The following CACNA1A variants were observed in gnomAD, a reference collection of about 807,000 sequenced individuals.
CACNA1A encodes the protein calcium voltage-gated channel subunit alpha1 A.
A neutral mutation model predicts 262.4 loss-of-function variants in CACNA1A; 57 were observed. The ratio of observed to expected loss-of-function variants is 0.22; its 90% confidence interval spans 0.18 to 0.27. CACNA1A has a LOEUF of 0.27. CACNA1A is among the 10% of genes least tolerant of loss of function. CACNA1A has a pLI of 1.00. For missense variants in CACNA1A, 2,526 were observed against 3,562.8 expected, an observed-to-expected ratio of 0.71 and a Z score of 7.41; for synonymous variants, 1,431 against 1,419.3, an observed-to-expected ratio of 1.01 and a Z score of -0.18.
rs185952971 is a variant in CACNA1A, at chr19:13,455,167, G to A, written c.339C>T (p.Ile113=). Reference sequence around the variant, plus strand: ...GCAGATGCTGCTCCAGTGCGAGGACGATGCAATTCGCTATGATGGTGGCTA... The same window carrying A: ...GCAGATGCTGCTCCAGTGCGAGGACAATGCAATTCGCTATGATGGTGGCTA... ...MILATIIANC[I]VLALEQHLPD... The change falls in exon 2 of 47, where the codon ATC becomes ATT. Residue 113 remains isoleucine, a synonymous_variant. Coordinates refer to ENST00000360228, the MANE Select transcript of CACNA1A (RefSeq NM_001127222.2). 13 of 1,612,234 alleles carry A rather than the reference G, an allele frequency of 8.1e-6. No individual in the cohort carries two copies. Among genetic ancestry groups the A allele is most frequent in the South Asian group, 3.3e-5 (3 of 91,034 alleles).
At chr19:13,446,298 C>T (rs1279485635) in intron 3 of CACNA1A, among the ~76,000 whole-genome samples, 1 of 150,386 alleles carries the variant, frequency 6.6e-6, no homozygotes, top group Non-Finnish European at 1.5e-5. Flanking sequence ...AAAGTCATCA[C>T]TGTCTCAATG....
At chr19:13,320,237 CGAGA>C (rs146095824) in intron 10 of CACNA1A, among the ~76,000 whole-genome samples, 1,431 of 127,068 alleles carry the variant, frequency 0.011, 9 homozygotes, top group Admixed American at 0.013. Flanking sequence ...TTCCACAGAT[CGAGA>C]GAGAGAGAGA....
At chr19:13,356,777 C>T (rs1168129000) in intron 6 of CACNA1A, among the ~76,000 whole-genome samples, 1 of 152,192 alleles carries the variant, frequency 6.6e-6, no homozygotes, top group African/African-American at 2.4e-5. Context: ...GCTGGAACCT[C>T]CTCTCACACC....
intron 1 of CACNA1A, among the ~76,000 whole-genome samples, chr19:13,456,891 A>C (rs2061020614): frequency 6.6e-6 from 1 of 152,146 alleles, no homozygotes; most frequent in African/African-American, 2.4e-5. Flanking sequence ...ACAAACAAAC[A>C]AACAGAAAAC....
intron 19 of CACNA1A, among the ~76,000 whole-genome samples, chr19:13,294,486 G>GTTTTTTTTTTTTTTTT (rs1568503058): frequency 3.4e-5 from 3 of 87,242 alleles, no homozygotes; most frequent in African/African-American, 1.5e-4. Flanking sequence ...ACTGTACCTG[G>GTTTTTTTTTTTTTTTT]CTTTTTTTTT....
chr19:13,233,537 G>T (rs190508884), intron 34 of CACNA1A, among the ~76,000 whole-genome samples: 4 of 152,026 alleles, frequency 2.6e-5, no homozygotes, highest in Admixed American at 6.6e-5. Flanking sequence ...GCCGAGGCTG[G>T]AGTGCAGTGG....
intron 10 of CACNA1A, among the ~76,000 whole-genome samples, chr19:13,325,326 G>A (rs1425970938): frequency 2.6e-5 from 4 of 151,634 alleles, no homozygotes; most frequent in Non-Finnish European, 4.4e-5. Flanking sequence ...TAGCGAGACC[G>A]TGTCTCTATC....
chr19:13,408,684 T>C (rs1230517835), intron 3 of CACNA1A, among the ~76,000 whole-genome samples: 1 of 152,232 alleles, frequency 6.6e-6, no homozygotes, highest in Non-Finnish European at 1.5e-5. Context: ...CAACTGTTCT[T>C]GCCCCAAAGA....
chr19:13,286,043 C>T (rs1369752542), intron 20 of CACNA1A, among the ~76,000 whole-genome samples: 1 of 150,450 alleles, frequency 6.6e-6, no homozygotes, highest in South Asian at 2.1e-4. Flanking sequence ...TCTACCTCGG[C>T]CTCCTGAAGT....
intron 3 of CACNA1A, among the ~76,000 whole-genome samples, chr19:13,372,620 G>A (rs1350836418): frequency 3.3e-5 from 5 of 152,170 alleles, no homozygotes; most frequent in Admixed American, 6.5e-5. Flanking sequence ...TCCCCCTTTT[G>A]TATAACCTGG....
intron 34 of CACNA1A, among the ~76,000 whole-genome samples, chr19:13,233,057 A>G (rs1010657991): frequency 6.6e-6 from 1 of 150,746 alleles, no homozygotes; most frequent in Non-Finnish European, 1.5e-5. Context: ...CTCAGATTAA[A>G]AAAAAAAAAA....
chr19:13,456,810 T>C (rs1425904310), intron 1 of CACNA1A, among the ~76,000 whole-genome samples: 4 of 152,192 alleles, frequency 2.6e-5, no homozygotes, highest in Non-Finnish European at 4.4e-5. Flanking sequence ...ATGAGGGTAT[T>C]AGTGATCAGG....
intron 1 of CACNA1A, among the ~76,000 whole-genome samples, chr19:13,479,195 C>T (rs757547348): frequency 1.5e-4 from 23 of 152,088 alleles, no homozygotes; most frequent in Non-Finnish European, 3.2e-4. Flanking sequence ...GAACAAAAAA[C>T]GAATAAAATC....
At chr19:13,345,163 G>A (rs1160146113) in intron 6 of CACNA1A, among the ~76,000 whole-genome samples, 2 of 152,094 alleles carry the variant, frequency 1.3e-5, no homozygotes, top group East Asian at 1.9e-4. Context: ...AATTATGGTC[G>A]CATTAGCCAA....
chr19:13,254,949 G>A, intron 29 of CACNA1A, 146 bp downstream of exon 29: 3 of 769,320 alleles, frequency 3.9e-6, no homozygotes, highest in African/African-American at 3.4e-5. Context: ...CAGTGTGTCA[G>A]GTAGAGGGAA....
In CACNA1A at chr19:13,207,766, C is replaced by T. The variant is rs756238847; in HGVS notation, c.7068G>A (p.Thr2356=). The T allele has an allele frequency of 3.0e-5, 42 of 1,378,078 alleles. No homozygotes were observed. The South Asian group carries it at 5.1e-4, about 17-fold the overall frequency. 85.4% of individuals were successfully genotyped at this position (1,378,078 alleles called of 1,614,324 possible). Residue 2356 remains threonine (T), a synonymous_variant, in exon 47 of 47, where the codon ACG becomes ACA. Coordinates refer to ENST00000360228, the MANE Select transcript of CACNA1A (RefSeq NM_001127222.2). The surrounding 1 kb of genome is among the most constrained non-coding windows in gnomAD (Gnocchi z 5.7). ...GCGAGCGGCCGCTGCTGTGGCCCCC[C>T]GTGGGCGGCCGATCTCCGGCCAGAG... is the stretch of plus-strand genomic sequence containing the variant. ...AEPLAGDRPP[T]GGHSSGRSPR...
chr19:13,235,827 G>A, intron 31 of CACNA1A, 97 bp from the exon 32 acceptor site: 3 of 761,740 alleles, frequency 3.9e-6, no homozygotes, highest in Non-Finnish European at 6.7e-6. Context: ...CCAACCAACA[G>A]GAAAAAAGCA....
At chr19:13,495,528 C>T (rs1426906405) in intron 1 of CACNA1A, among the ~76,000 whole-genome samples, 2 of 152,138 alleles carry the variant, frequency 1.3e-5, no homozygotes, top group African/African-American at 4.8e-5. Flanking sequence ...TATCTCCTGA[C>T]CTTGTGATCT....
At chr19:13,224,351 G>A (rs1324118602) in intron 38 of CACNA1A, among the ~76,000 whole-genome samples, 2 of 151,828 alleles carry the variant, frequency 1.3e-5, no homozygotes, top group East Asian at 3.9e-4. Context: ...GCCGAGTATG[G>A]TGGTGTGTGC....
Sources: allele counts gnomAD v4.1 joint callset (sites outside exome capture counted in the v4.1 genomes callset), GRCh38; gene constraint gnomAD v4.1.1; non-coding constraint Gnocchi (gnomAD v3.1); transcripts MANE v1.5; gene names NCBI Gene and HGNC (gene_info 2026-07-23, HGNC 2026-07-21).